ZNF600: variants seen among roughly 807,000 people sequenced by gnomAD.
ZNF600 encodes the protein zinc finger protein 600.
In ZNF600, 4 loss-of-function variants were observed where a neutral mutation model predicts 7.3. The ratio of observed to expected loss-of-function variants is 0.55; its 90% CI spans 0.27 to 1.25. ZNF600 has a LOEUF of 1.25. Ranked by LOEUF, ZNF600 falls within the 50% of genes most tolerant of loss-of-function variation. The pLI is 0.12. For synonymous variants in ZNF600, 290 were observed against 308.9 expected (o/e 0.94, Z 0.64); for missense variants, 911 against 922.1 (o/e 0.99, Z 0.16).
At chr19:52,779,535 A>G (rs2062703828) in intron 1 of ZNF600, among the ~76,000 whole-genome samples, 1 of 152,186 alleles carries the variant, frequency 6.6e-6, no homozygotes. Context: ...AGGCACAAAA[A>G]TAATCACACA....
At chr19:52,791,385 A>G (rs765153760), upstream of ZNF600, among the ~76,000 whole-genome samples, 5 of 152,228 alleles carry the variant, frequency 3.3e-5, no homozygotes, top group South Asian at 2.1e-4. Context: ...GGGTGAGTGC[A>G]AGTGAATGTG....
the ZNF600 span, chr19:52,810,355 T>C: frequency 2.5e-6 from 4 of 1,604,512 alleles, no homozygotes; most frequent in African/African-American, 5.4e-5. Flanking sequence ...GCAGAAGAGC[T>C]GGAAGCTCAC....
chr19:52,798,980 G>T, the ZNF600 span: 1 of 1,111,898 alleles, frequency 9.0e-7, no homozygotes, highest in Non-Finnish European at 1.3e-6. Context: ...TGCCAGGTGT[G>T]AATCACTCCC....
exon 4 of ZNF600, chr19:52,765,503 CTT>C: frequency 6.3e-7 from 1 of 1,599,738 alleles, no homozygotes; most frequent in South Asian, 1.1e-5. Flanking sequence ...ATTTATTACA[CTT>C]GTTAGATCTT....
the ZNF600 span, among the ~76,000 whole-genome samples, chr19:52,823,306 C>T: frequency 1.3e-5 from 2 of 152,180 alleles, no homozygotes; most frequent in African/African-American, 2.4e-5. Context: ...CTCCATCTCC[C>T]GGGTTCAAGC....
the ZNF600 span, among the ~76,000 whole-genome samples, chr19:52,830,431 C>A: frequency 6.6e-6 from 1 of 152,112 alleles, no homozygotes; most frequent in Admixed American, 6.6e-5. Flanking sequence ...AAGGATCCCA[C>A]GACATGTTTC....
chr19:52,796,494 T>C, the ZNF600 span, among the ~76,000 whole-genome samples: 1 of 151,580 alleles, frequency 6.6e-6, no homozygotes, highest in Non-Finnish European at 1.5e-5. Context: ...GGAGGAGGAA[T>C]AGTCACTTAC....
the ZNF600 span, chr19:52,800,042 A>G: frequency 1.9e-5 from 30 of 1,614,100 alleles, no homozygotes; most frequent in Admixed American, 4.5e-4. Context: ...TCTCTCCAGT[A>G]TGAACTCTCT....
chr19:52,795,435 A>G, the ZNF600 span, among the ~76,000 whole-genome samples: 1 of 89,624 alleles, frequency 1.1e-5, no homozygotes, highest in African/African-American at 3.5e-5. Context: ...AACAATTTAC[A>G]GTGGTTAAAA....
the ZNF600 span, among the ~76,000 whole-genome samples, chr19:52,824,508 G>A: frequency 1.3e-5 from 2 of 151,966 alleles, no homozygotes; most frequent in Non-Finnish European, 1.5e-5. Flanking sequence ...GGTGGTGCGC[G>A]CCTGTAGTCC....
intron 2 of ZNF600, among the ~76,000 whole-genome samples, chr19:52,778,492 G>A (rs1256404907): frequency 2.0e-5 from 3 of 151,994 alleles, no homozygotes; most frequent in Non-Finnish European, 4.4e-5. Flanking sequence ...TCTCTGATCT[G>A]GTCCACAAAG....
At chr19:52,808,148 C>T in the ZNF600 span, 1 of 1,611,610 alleles carries the variant, frequency 6.2e-7, no homozygotes, top group Non-Finnish European at 8.5e-7. Context: ...AATGGAAACA[C>T]ATTTTAACCA....
the ZNF600 span, among the ~76,000 whole-genome samples, chr19:52,823,500 G>A: frequency 5.9e-5 from 9 of 152,152 alleles, no homozygotes; most frequent in East Asian, 1.9e-4. Flanking sequence ...ACAGGCGTGC[G>A]CCACCGCACC....
rs952568576 is a variant in ZNF600 at position 52,782,639 on chromosome 19, C to T, written c.-19-3732G>A. Reference sequence around the variant, plus strand: ...CTGTAATCCCAACACTTCGGGAGGCCGAGGCGGGTGGATTACGAGGTCATG... The same window carrying T: ...CTGTAATCCCAACACTTCGGGAGGCTGAGGCGGGTGGATTACGAGGTCATG... On this transcript the variant is annotated intron_variant, in intron 1 of 3. Transcript: ENST00000648973. 4.6e-5 allele frequency among the ~76,000 whole-genome samples: 7 copies of T among 152,030 alleles called. No individual in the cohort carries two copies. The South Asian group carries it at 6.2e-4, about 14-fold the overall frequency.
the ZNF600 span, among the ~76,000 whole-genome samples, chr19:52,821,266 G>A: frequency 6.6e-6 from 1 of 152,132 alleles, no homozygotes; most frequent in African/African-American, 2.4e-5. Flanking sequence ...AGGCGCACAG[G>A]GTGGGAATAC....
chr19:52,812,843 C>A, the ZNF600 span, among the ~76,000 whole-genome samples: 2 of 150,012 alleles, frequency 1.3e-5, no homozygotes, highest in African/African-American at 4.9e-5. Flanking sequence ...ACTGGGCAAG[C>A]CTTTGAGGAA....
chr19:52,809,870 G>A, the ZNF600 span: 1 of 678,230 alleles, frequency 1.5e-6, no homozygotes, highest in Non-Finnish European at 2.6e-6. Context: ...CTGGGCCTGC[G>A]GGCGGTCCGG....
At chr19:52,765,292 T>C (rs2147474152) in exon 4 of ZNF600, 2 of 629,282 alleles carry the variant, frequency 3.2e-6, no homozygotes, top group East Asian at 6.9e-5. Flanking sequence ...TGATGTCTAA[T>C]GAGGTGTGAA....
chr19:52,831,649 C>T, the ZNF600 span, among the ~76,000 whole-genome samples: 2 of 151,968 alleles, frequency 1.3e-5, no homozygotes, highest in East Asian at 1.9e-4. Context: ...ACTACAGGTG[C>T]CCGCCACCAC....
Sources: gnomAD v4.1 joint callset for allele counts (sites outside exome capture counted in the v4.1 genomes callset) on GRCh38, gnomAD v4.1.1 for gene constraint, MANE v1.5 for transcripts, NCBI Gene and HGNC (gene_info 2026-07-23, HGNC 2026-07-21) for gene names.